Variants in GRIA4 observed in about 807,000 individuals in gnomAD.
GRIA4 encodes glutamate ionotropic receptor AMPA type subunit 4.
GRIA4 carries 34 observed loss-of-function variants against 104.0 expected under a neutral mutation model. That is an observed-to-expected ratio of 0.33 (90% confidence interval 0.25 to 0.44). The LOEUF (loss-of-function observed/expected upper bound fraction) is 0.44. Among genes scored for constraint, GRIA4 ranks in the 20% least tolerant of loss-of-function variants. The probability of loss-of-function intolerance (pLI) is 1.00; values close to 1 mark genes in which losing one functional copy is unlikely to be tolerated. For missense variants in GRIA4, 750 were observed against 1,096.5 expected (o/e 0.68, Z 4.46); for synonymous variants, 386 against 381.9 (o/e 1.01, Z -0.13).
chr11:105,764,395 C>T (rs1053939242), intron 4 of GRIA4, among the ~76,000 whole-genome samples: 6 of 152,176 alleles, frequency 3.9e-5, no homozygotes, highest in Middle Eastern at 3.4e-3. Flanking sequence ...ATGTTAATTC[C>T]TATTTGCATT....
At chr11:105,662,348 G>T (rs572580114) in intron 3 of GRIA4, among the ~76,000 whole-genome samples, 2 of 151,848 alleles carry the variant, frequency 1.3e-5, no homozygotes, top group East Asian at 3.9e-4. Flanking sequence ...TAAACTATAA[G>T]CTTTTCCACT....
chr11:105,663,562 G>A (rs1952076234), intron 3 of GRIA4, among the ~76,000 whole-genome samples: 1 of 151,936 alleles, frequency 6.6e-6, no homozygotes, highest in Non-Finnish European at 1.5e-5. Flanking sequence ...TTTAATAAGG[G>A]AATAGGGAAA....
At chr11:105,818,962 C>T (rs2135895736) in intron 4 of GRIA4, among the ~76,000 whole-genome samples, 1 of 152,238 alleles carries the variant, frequency 6.6e-6, no homozygotes, top group Admixed American at 6.5e-5. Flanking sequence ...GGTTAAATTT[C>T]ATGACCACAC....
chr11:105,741,131 A>G (rs1939278207), intron 3 of GRIA4, among the ~76,000 whole-genome samples: 1 of 152,216 alleles, frequency 6.6e-6, no homozygotes, highest in African/African-American at 2.4e-5. Context: ...TTGGAGATAA[A>G]TGATCAAGAT....
chr11:105,778,427 C>T (rs1016251438), intron 4 of GRIA4, among the ~76,000 whole-genome samples: 1 of 152,228 alleles, frequency 6.6e-6, no homozygotes, highest in Non-Finnish European at 1.5e-5. Flanking sequence ...ACAAGGGGGG[C>T]TGGGCGCGGT....
intron 3 of GRIA4, among the ~76,000 whole-genome samples, chr11:105,727,915 C>T (rs1481491240): frequency 6.6e-6 from 1 of 152,092 alleles, no homozygotes; most frequent in African/African-American, 2.4e-5. Context: ...CCAGCCACTG[C>T]AAAAACAAAC....
intron 9 of GRIA4, among the ~76,000 whole-genome samples, chr11:105,906,062 C>A (rs1408947547): frequency 1.3e-5 from 2 of 151,944 alleles, no homozygotes; most frequent in African/African-American, 2.4e-5. Flanking sequence ...TTAACCTTAT[C>A]TAAAAGCTGT....
intron 4 of GRIA4, among the ~76,000 whole-genome samples, chr11:105,836,959 A>G (rs1944212850): frequency 1.3e-5 from 2 of 152,146 alleles, no homozygotes; most frequent in South Asian, 4.1e-4. Flanking sequence ...AATACCCAAG[A>G]CTGAGTAATT....
intron 6 of GRIA4, among the ~76,000 whole-genome samples, chr11:105,888,682 A>G (rs1272135557): frequency 6.6e-6 from 1 of 151,942 alleles, no homozygotes; most frequent in East Asian, 1.9e-4. Flanking sequence ...AGATCTACCC[A>G]TTCTTTCCGT....
intron 3 of GRIA4, among the ~76,000 whole-genome samples, chr11:105,659,849 T>C (rs772379674): frequency 2.5e-4 from 38 of 151,736 alleles, no homozygotes; most frequent in Non-Finnish European, 8.8e-5. Flanking sequence ...GAGAGATGAA[T>C]AGAAGATGCA....
In GRIA4 at chr11:105,659,265, T is replaced by C. The variant is rs534455853; in HGVS notation, c.247+46831T>C. Among the ~76,000 whole-genome samples the C allele has an allele frequency of 2.6e-5, 4 of 152,068 alleles. No homozygotes were observed. In the South Asian group the frequency reaches 8.3e-4, roughly 31 times the overall value. ...ACAAGAAGCTACAATGCCAAGTACT[T>C]ACTTATGAAGACTCTCTTACATCTT... On this transcript the variant is annotated intron_variant, in intron 3 of 16. Transcript: ENST00000282499.
intron 4 of GRIA4, among the ~76,000 whole-genome samples, chr11:105,809,363 T>C (rs909636058): frequency 1.3e-5 from 2 of 152,142 alleles, no homozygotes; most frequent in African/African-American, 4.8e-5. Context: ...GTGTTGGCAA[T>C]ATTCCAGATT....
intron 4 of GRIA4, among the ~76,000 whole-genome samples, chr11:105,788,578 A>T (rs1942077012): frequency 6.6e-6 from 1 of 152,156 alleles, no homozygotes; most frequent in Non-Finnish European, 1.5e-5. Context: ...AAAGAACAAA[A>T]TCATTTCATT....
At chr11:105,893,002 T>A (rs977413966) in intron 6 of GRIA4, among the ~76,000 whole-genome samples, 1 of 152,178 alleles carries the variant, frequency 6.6e-6, no homozygotes, top group Admixed American at 6.5e-5. Flanking sequence ...GTCATCAGGA[T>A]ATCTGATACC....
At chr11:105,818,406 C>T (rs958371868) in intron 4 of GRIA4, among the ~76,000 whole-genome samples, 5 of 152,144 alleles carry the variant, frequency 3.3e-5, no homozygotes, top group Admixed American at 2.0e-4. Flanking sequence ...AAATAACCTG[C>T]ATGCCTGGCT....
At chr11:105,895,635 GAGA>G (rs1565323651) in intron 6 of GRIA4, among the ~76,000 whole-genome samples, 141 of 149,298 alleles carry the variant, frequency 9.4e-4, no homozygotes, top group African/African-American at 3.2e-3. Context: ...GGGAGGGAGA[GAGA>G]GAGAGAGAGA....
intron 3 of GRIA4, among the ~76,000 whole-genome samples, chr11:105,629,077 C>CA (rs1950963458): frequency 4.2e-4 from 7 of 16,600 alleles, no homozygotes; most frequent in African/African-American, 7.0e-4. Flanking sequence ...CACTTCTCCA[C>CA]CAAAAAAAAA....
chr11:105,668,285 C>A (rs1242479102), intron 3 of GRIA4, among the ~76,000 whole-genome samples: 1 of 145,472 alleles, frequency 6.9e-6, no homozygotes, highest in Non-Finnish European at 1.5e-5. Context: ...GAGGGTAGAT[C>A]TTAATACATA....
intron 4 of GRIA4, among the ~76,000 whole-genome samples, chr11:105,837,214 C>T (rs1441471374): frequency 1.3e-5 from 2 of 152,104 alleles, no homozygotes; most frequent in South Asian, 2.1e-4. Context: ...CCACCTGGTC[C>T]CTCCTTCGAC....
Sources: allele counts gnomAD v4.1 joint callset (sites outside exome capture counted in the v4.1 genomes callset), GRCh38; gene constraint gnomAD v4.1.1; transcripts MANE v1.5; gene names NCBI Gene and HGNC (gene_info 2026-07-23, HGNC 2026-07-21).